The following PELI2 variants were observed in gnomAD, a reference collection of about 807,000 sequenced individuals.
The protein encoded by PELI2 is E3 ubiquitin-protein ligase pellino homolog 2.
PELI2 carries 23 observed loss-of-function variants against 42.3 expected under a neutral mutation model. That is an observed-to-expected ratio of 0.54 (90% confidence interval 0.39 to 0.77). The LOEUF is 0.77. Ranked by LOEUF, PELI2 falls within the 30% of genes least tolerant of loss-of-function variation. The pLI is 0.00. For synonymous variants in PELI2, 245 were observed against 212.2 expected (o/e 1.15, Z -1.34); for missense variants, 463 against 553.2 (o/e 0.84, Z 1.64).
chr14:56,245,019 A>G (rs1486938316), intron 2 of PELI2, among the ~76,000 whole-genome samples: 3 of 152,252 alleles, frequency 2.0e-5, no homozygotes, highest in African/African-American at 7.2e-5. Context: ...TGTTGGGCAT[A>G]TGTAACAACT....
chr14:56,155,319 CTG>C (rs1884515778), intron 1 of PELI2, among the ~76,000 whole-genome samples: 1 of 151,168 alleles, frequency 6.6e-6, no homozygotes, highest in African/African-American at 2.4e-5. Flanking sequence ...GAATAATTAA[CTG>C]TTATTTTATT....
chr14:56,196,100 G>A (rs1469843805), intron 2 of PELI2, among the ~76,000 whole-genome samples: 1 of 152,194 alleles, frequency 6.6e-6, no homozygotes, highest in African/African-American at 2.4e-5. Context: ...TGATTTTTAA[G>A]TACAATTTCT....
chr14:56,137,127 G>C (rs1432325658), intron 1 of PELI2, among the ~76,000 whole-genome samples: 2 of 152,084 alleles, frequency 1.3e-5, no homozygotes, highest in African/African-American at 4.8e-5. Context: ...TTTACAGCTA[G>C]GAGTTAAAGA....
At chr14:56,169,246 G>A (rs56759226) in intron 1 of PELI2, among the ~76,000 whole-genome samples, 10,923 of 152,180 alleles carry the variant, frequency 0.072, 1,344 homozygotes, top group African/African-American at 0.25. Context: ...CGGTCTCTGG[G>A]CCTAGCTCAT....
At chr14:56,135,724 A>G (rs921173667) in intron 1 of PELI2, among the ~76,000 whole-genome samples, 1 of 152,266 alleles carries the variant, frequency 6.6e-6, no homozygotes, top group African/African-American at 2.4e-5. Context: ...AAAAAAGACC[A>G]AGACTAACAG....
intron 2 of PELI2, among the ~76,000 whole-genome samples, chr14:56,222,746 G>A (rs184600614): frequency 1.3e-5 from 2 of 152,338 alleles, no homozygotes; most frequent in East Asian, 3.9e-4. Flanking sequence ...GTCCTCTTGT[G>A]CCTCTGATTC....
chr14:56,276,373 C>A (rs1889292273), intron 2 of PELI2, among the ~76,000 whole-genome samples: 1 of 152,108 alleles, frequency 6.6e-6, no homozygotes, highest in Admixed American at 6.6e-5. Flanking sequence ...TTTTTACTGC[C>A]ACCAAATCCC....
chr14:56,190,806 T>C (rs1227019423), intron 2 of PELI2, among the ~76,000 whole-genome samples: 3 of 152,250 alleles, frequency 2.0e-5, no homozygotes, highest in African/African-American at 7.2e-5. Flanking sequence ...TTATTAAAGG[T>C]ATTTTAACTT....
chr14:56,184,563 G>C (rs997600505), intron 2 of PELI2, among the ~76,000 whole-genome samples: 3 of 151,936 alleles, frequency 2.0e-5, no homozygotes, highest in Admixed American at 2.0e-4. Context: ...ACAAAATTTT[G>C]TATAATTAAG....
At chr14:56,131,487 T>C (rs1883479433) in intron 1 of PELI2, among the ~76,000 whole-genome samples, 1 of 152,218 alleles carries the variant, frequency 6.6e-6, no homozygotes, top group South Asian at 2.1e-4. Context: ...TTAGATGTTA[T>C]ATGGGAAAAA....
At chr14:56,178,543 C>CT (rs1885467838) in intron 2 of PELI2, 79 bp downstream of exon 2, 6 of 1,502,322 alleles carry the variant, frequency 4.0e-6, no homozygotes, top group Non-Finnish European at 5.5e-6. Context: ...GCTCTCTTTC[C>CT]TTTCGTCTTT....
chr14:56,189,751 GATTAAAA>G (rs1378337074), intron 2 of PELI2, among the ~76,000 whole-genome samples: 2 of 152,194 alleles, frequency 1.3e-5, no homozygotes, highest in East Asian at 1.9e-4. Context: ...TGCATTGATA[GATTAAAA>G]ATTAAAACTG....
chr14:56,158,828 C>G (rs1361980308), intron 1 of PELI2, among the ~76,000 whole-genome samples: 3 of 151,872 alleles, frequency 2.0e-5, no homozygotes, highest in Non-Finnish European at 4.4e-5. Flanking sequence ...TTTGAGGGAC[C>G]ACAGATTTTA....
chr14:56,297,274 G>A lies in PELI2; in HGVS notation c.*108G>A. ...TGCTGTTTATCAGAGGAGGGTGACAGGGGCTGGAAATAAAGAGAGGGGACA... is the reference window on the plus strand; with the variant it reads ...TGCTGTTTATCAGAGGAGGGTGACAAGGGCTGGAAATAAAGAGAGGGGACA... On this transcript the variant is annotated 3_prime_UTR_variant, in exon 6 of 6. Coordinates refer to ENST00000267460, the MANE Select transcript of PELI2 (RefSeq NM_021255.3). 1 of 646,890 alleles carries A rather than the reference G, an allele frequency of 1.5e-6. No homozygotes were observed. Among genetic ancestry groups the A allele is most frequent in the Non-Finnish European group, 2.7e-6 (1 of 376,936 alleles). 40.1% of individuals were successfully genotyped at this position (646,890 alleles called of 1,614,324 possible).
chr14:56,266,558 G>A (rs1176813328), intron 2 of PELI2, among the ~76,000 whole-genome samples: 1 of 151,982 alleles, frequency 6.6e-6, no homozygotes, highest in Non-Finnish European at 1.5e-5. Flanking sequence ...ATATCAGAAG[G>A]TAAAGATATC....
Position 56,130,060 on chromosome 14 carries a change from G to GT in PELI2, c.77+11334dup, listed in dbSNP as rs34818835. 6.1e-4 allele frequency among the ~76,000 whole-genome samples: 91 copies of GT among 150,204 alleles called. No individual in the cohort carries two copies. In the Middle Eastern group the frequency reaches 0.014, roughly 22 times the overall value. On this transcript the variant is annotated intron_variant, in intron 1 of 5. Transcript: ENST00000267460. Reference sequence around the variant, plus strand: ...TTAAAGAGGAAGCATCGAGATCTGAGTTTTTTTTTTTCTTTTCCTGAGGAG... The same window carrying GT: ...TTAAAGAGGAAGCATCGAGATCTGAGTTTTTTTTTTTTCTTTTCCTGAGGAG...
chr14:56,118,903 C>G (rs1031073240), intron 1 of PELI2, among the ~76,000 whole-genome samples, 166 bp downstream of exon 1: 137 of 150,748 alleles, frequency 9.1e-4, no homozygotes, highest in Middle Eastern at 6.8e-3. Flanking sequence ...GCGGGATGCG[C>G]CCCATCGGCG....
intron 2 of PELI2, among the ~76,000 whole-genome samples, chr14:56,236,043 A>G (rs1296550176): frequency 1.3e-5 from 2 of 152,176 alleles, no homozygotes; most frequent in Admixed American, 1.3e-4. Flanking sequence ...CCTCCCCACT[A>G]TTACTTTAAA....
intron 1 of PELI2, among the ~76,000 whole-genome samples, chr14:56,134,540 CTA>C (rs1883614895): frequency 6.6e-6 from 1 of 152,104 alleles, no homozygotes; most frequent in Non-Finnish European, 1.5e-5. Context: ...TGCTTATAAT[CTA>C]TATGTGATAT....
Sources: allele counts gnomAD v4.1 joint callset (sites outside exome capture counted in the v4.1 genomes callset), GRCh38; gene constraint gnomAD v4.1.1; transcripts MANE v1.5; gene names NCBI Gene and HGNC (gene_info 2026-07-23, HGNC 2026-07-21).